ENO4: variants seen among roughly 807,000 people sequenced by gnomAD.
The protein encoded by ENO4 is 2-phospho-D-glycerate hydro-lyase.
A neutral mutation model predicts 63.2 loss-of-function variants in ENO4; 53 were observed. That is an observed-to-expected ratio of 0.84 (90% confidence interval 0.67 to 1.05). The LOEUF (loss-of-function observed/expected upper bound fraction) is 1.05, where lower values mean the gene tolerates loss of function less well. Among genes scored for constraint, ENO4 ranks in the 50% least tolerant of loss-of-function variants. The probability of loss-of-function intolerance (pLI) is 0.00; values close to 1 mark genes in which losing one functional copy is unlikely to be tolerated. For synonymous variants in ENO4, 266 were observed against 283.8 expected, an observed-to-expected ratio of 0.94 and a Z score of 0.63; for missense variants, 719 against 772.0, an observed-to-expected ratio of 0.93 and a Z score of 0.81.
intron 10 of ENO4, chr10:116,900,853 G>C: frequency 1.0e-6 from 1 of 985,216 alleles, no homozygotes; most frequent in Non-Finnish European, 1.2e-6. Flanking sequence ...ATTCATTCCA[G>C]AAGAGAAAAA....
chr10:116,857,998 C>CT (rs959523295), intron 3 of ENO4, among the ~76,000 whole-genome samples: 6 of 151,884 alleles, frequency 4.0e-5, no homozygotes, highest in East Asian at 1.9e-4. Context: ...TCCTCTATTC[C>CT]TTTTTTTTCC....
At chr10:116,889,477 GT>G (rs1228910530) in intron 10 of ENO4, among the ~76,000 whole-genome samples, 1 of 152,152 alleles carries the variant, frequency 6.6e-6, no homozygotes, top group Non-Finnish European at 1.5e-5. Context: ...AGAGTGACTG[GT>G]TTCTCAAGGA....
chr10:116,907,890 A>C (rs540366999), intron 10 of ENO4: 14 of 518,414 alleles, frequency 2.7e-5, no homozygotes, highest in South Asian at 2.0e-4. Flanking sequence ...GACTTGCCTT[A>C]ATCCTGCTCC....
chr10:116,900,489 A>G (rs1847691582), intron 10 of ENO4: 1 of 1,465,100 alleles, frequency 6.8e-7, no homozygotes, highest in Non-Finnish European at 9.2e-7. Flanking sequence ...TTTGGAGAAC[A>G]AAAGGCAGAC....
At chr10:116,871,355 A>G (rs776188982) in intron 9 of ENO4, 63 bp downstream of exon 9, 87 of 1,341,856 alleles carry the variant, frequency 6.5e-5, no homozygotes, top group Non-Finnish European at 8.2e-5. Context: ...ATTAGAACTC[A>G]GAAAAAAAAG....
rs568035360 is a variant in ENO4 at position 116,860,157 on chromosome 10, T to C, written c.635-637T>C. On this transcript the variant is annotated intron_variant, in intron 4 of 13. Transcript: ENST00000341276. The stretch of plus-strand genomic sequence containing the variant: ...TGGGGACCTGAACCACATCCGCAGC[T>C]GTGAAGGAACGGACAAGAGGAACAC... 7.4e-4 allele frequency among the ~76,000 whole-genome samples: 112 copies of C among 152,326 alleles called. 1 individual carries two copies. In the South Asian group the frequency reaches 9.5e-3, roughly 13 times the overall value.
At position 116,849,620 on chromosome 10, in the gene ENO4, G is replaced by A. The variant is rs1230062492; in HGVS notation, c.54G>A (p.Lys18=). ...RSCGTTRELQ[K]LKQQAMEYYR... Reference sequence around the variant, plus strand: ...GTGGGACCACTAGGGAGCTGCAGAAGCTGAAGCAGCAGGCGATGGAGTACT... The same window carrying A: ...GTGGGACCACTAGGGAGCTGCAGAAACTGAAGCAGCAGGCGATGGAGTACT... The change falls in exon 1 of 14, where the codon AAG becomes AAA. Residue 18 remains lysine (K), a synonymous_variant. Transcript: ENST00000341276. 1 of 1,550,252 alleles carries A rather than the reference G, an allele frequency of 6.5e-7. No individual in the cohort carries two copies. The highest frequency in any genetic ancestry group is 1.2e-5 in the South Asian group (1 of 84,018).
Position 116,901,168 on chromosome 10 carries a change from T to G in ENO4, c.1195-10331T>G, listed in dbSNP as rs943630332. 4 of 985,414 alleles carry G rather than the reference T, an allele frequency of 4.1e-6. No homozygotes were observed. In the African/African-American group the frequency reaches 5.2e-5, roughly 13 times the overall value. The allele number at this position is 985,414 out of a possible 1,614,324, so 61.0% of individuals were successfully genotyped here. A position where few individuals can be genotyped will look rare whatever the true frequency, so the allele number is the denominator to read the frequency against. ...CTGTAGACTAATTTCAAAAAAGAGC[T>G]GCCATTGTTATAAAACAAATTGATC... On this transcript the variant is annotated intron_variant, in intron 10 of 10. Transcript: ENST00000369207.
In ENO4 at chr10:116,859,053, A is replaced by G; in HGVS notation, c.549A>G (p.Glu183=). ...GAAAAGAATTGGAAAAGAGCCTGGA[A>G]TACTCAACAGTGCCTACACCTCTAC... The part of the protein sequence containing the change: ...KGRKELEKSL[E]YSTVPTPLPP... The change falls in exon 4 of 14, where the codon GAA becomes GAG. Residue 183 remains glutamate (E), a synonymous_variant. Transcript: ENST00000341276. 1.3e-6 allele frequency: 2 copies of G among 1,535,932 alleles called. No individual in the cohort carries two copies. Among genetic ancestry groups the G allele is most frequent in the Non-Finnish European group, 1.7e-6 (2 of 1,146,786 alleles).
chr10:116,880,701 G>A (rs896803976), intron 13 of ENO4, among the ~76,000 whole-genome samples: 2 of 152,204 alleles, frequency 1.3e-5, no homozygotes, highest in African/African-American at 4.8e-5. Flanking sequence ...CTATTTCTGA[G>A]TCATGTAAGG....
chr10:116,900,099 G>C (rs1847678944), intron 10 of ENO4, among the ~76,000 whole-genome samples: 3 of 152,150 alleles, frequency 2.0e-5, no homozygotes, highest in African/African-American at 7.2e-5. Context: ...TTAAGAAACA[G>C]ATTTTTCCAG....
At position 116,855,645 on chromosome 10, in the gene ENO4, C is replaced by G. The variant is rs113724803; in HGVS notation, c.188C>G (p.Ala63Gly). 2,818 of 1,536,200 alleles carry G rather than the reference C, an allele frequency of 1.8e-3. 41 individuals carry two copies. In the African/African-American group the frequency reaches 0.034, roughly 18 times the overall value. The change falls in exon 2 of 14, where the codon GCA (alanine) becomes GGA (glycine). Residue 63 changes from alanine to glycine, a missense_variant. Around this residue, in one of 3 missense-constraint regions of ENO4, gnomAD observed 544 missense variants for 583.6 expected, o/e 0.93. Coordinates refer to ENST00000341276, the MANE Select transcript of ENO4 (RefSeq NM_001242699.2). Reference protein sequence around the residue: ...GHLANCFSKLAKPPTICKIVG... With the variant: ...GHLANCFSKLGKPPTICKIVG... The stretch of plus-strand genomic sequence containing the variant: ...AAGGCAAACTGCTTTTCTAAACTTG[C>G]AAAGCCTCCCACCATATGCAAAATA...
intron 10 of ENO4, among the ~76,000 whole-genome samples, chr10:116,875,352 G>A (rs932589986): frequency 1.3e-5 from 2 of 151,518 alleles, no homozygotes; most frequent in African/African-American, 4.9e-5. Flanking sequence ...TGAGGCTCTG[G>A]TCATACTTTT....
At chr10:116,896,677 C>T (rs922706725) in intron 10 of ENO4, among the ~76,000 whole-genome samples, 2 of 152,126 alleles carry the variant, frequency 1.3e-5, no homozygotes, top group Admixed American at 1.3e-4. Flanking sequence ...ATTACTGACA[C>T]TATTCTCTTA....
rs575071818 is a variant in ENO4 at position 116,849,831 on chromosome 10, C to T, written c.165+100C>T. ...CCTGCGCCTGCGCCTCAGAATCTCG[C>T]ATGCCAGCCGCCCGGGCCCTGGGCC... On this transcript the variant is annotated intron_variant, in intron 1 of 13. Coordinates refer to ENST00000341276, the MANE Select transcript of ENO4 (RefSeq NM_001242699.2). 63 of 1,336,170 alleles carry T rather than the reference C, an allele frequency of 4.7e-5. 1 individual carries two copies. The highest frequency in any genetic ancestry group is 1.6e-4 in the African/African-American group (11 of 67,656). 82.8% of individuals were successfully genotyped at this position (1,336,170 alleles called of 1,614,324 possible).
rs573844588 is a variant in ENO4, at chr10:116,903,290, T to C, written c.1195-8209T>C. Among the ~76,000 whole-genome samples, 15 of 152,300 alleles carry C rather than the reference T, an allele frequency of 9.8e-5. No homozygotes were observed. The East Asian group carries it at 2.9e-3, about 29-fold the overall frequency. On this transcript the variant is annotated intron_variant, in intron 10 of 10. Coordinates refer to the ENO4 transcript ENST00000369207. ...GCTCATGCCTGTAATCCCAGCACTT[T>C]GAGAGGCCGAGGCAGGCGGATCGCC...
intron 10 of ENO4, among the ~76,000 whole-genome samples, chr10:116,896,801 C>CTTTTTT (rs1230730641): frequency 8.2e-6 from 1 of 121,718 alleles, no homozygotes; most frequent in Admixed American, 8.4e-5. Flanking sequence ...TGATCAGGTA[C>CTTTTTT]TTTTTTTTTT....
At chr10:116,871,784 G>GTGTT (rs1236415291) in intron 9 of ENO4, among the ~76,000 whole-genome samples, 1 of 152,216 alleles carries the variant, frequency 6.6e-6, no homozygotes, top group African/African-American at 2.4e-5. Flanking sequence ...ACACATCACA[G>GTGTT]TGTTATCCAC....
intron 1 of ENO4, among the ~76,000 whole-genome samples, chr10:116,854,290 T>C (rs1265475410): frequency 6.6e-6 from 1 of 152,136 alleles, no homozygotes; most frequent in Admixed American, 6.5e-5. Context: ...CCGGGCGCGG[T>C]GGCTCACGGC....
Sources: gnomAD v4.1 joint callset for allele counts (sites outside exome capture counted in the v4.1 genomes callset) on GRCh38, gnomAD v4.1.1 for gene constraint, gnomAD v4.1.1 regional missense constraint, MANE v1.5 for transcripts, NCBI Gene and HGNC (gene_info 2026-07-23, HGNC 2026-07-21) for gene names.